Variants in MGAT4C observed in about 807,000 individuals in gnomAD.
MGAT4C encodes the protein MGAT4 family member C.
MGAT4C carries 19 observed loss-of-function variants against 40.1 expected under a neutral mutation model. The ratio of observed to expected loss-of-function variants is 0.47; its 90% CI spans 0.33 to 0.70. The LOEUF (loss-of-function observed/expected upper bound fraction) is 0.70, where lower values mean the gene tolerates loss of function less well. Ranked by LOEUF, MGAT4C falls within the 30% of genes least tolerant of loss-of-function variation. The pLI, the probability that MGAT4C is intolerant of heterozygous loss-of-function variation, is 0.02. For missense variants in MGAT4C, 491 were observed against 563.2 expected (o/e 0.87, Z 1.30); for synonymous variants, 181 against 187.1 (o/e 0.97, Z 0.27).
chr12:86,471,064 T>G (rs1957751261), intron 2 of MGAT4C, among the ~76,000 whole-genome samples: 1 of 151,910 alleles, frequency 6.6e-6, no homozygotes, highest in Non-Finnish European at 1.5e-5. Context: ...AATTATCAGG[T>G]GAAGGTAAAC....
At chr12:86,592,146 G>A (rs1249036946) in intron 2 of MGAT4C, among the ~76,000 whole-genome samples, 2 of 152,012 alleles carry the variant, frequency 1.3e-5, no homozygotes, top group African/African-American at 4.8e-5. Flanking sequence ...GTAACTAAAG[G>A]TCTAATATTT....
chr12:86,064,959 AG>A (rs1894388480), intron 1 of MGAT4C, among the ~76,000 whole-genome samples: 1 of 152,220 alleles, frequency 6.6e-6, no homozygotes, highest in Admixed American at 6.5e-5. Context: ...TAGAAAATCT[AG>A]AAGAAATGGA....
At chr12:86,224,307 A>T (rs1053644497) in intron 1 of MGAT4C, among the ~76,000 whole-genome samples, 10 of 152,230 alleles carry the variant, frequency 6.6e-5, no homozygotes, top group African/African-American at 2.4e-4. Context: ...TTATAAAGCA[A>T]ATATTACTAG....
At chr12:86,169,690 G>A (rs1886599167) in intron 1 of MGAT4C, among the ~76,000 whole-genome samples, 1 of 152,002 alleles carries the variant, frequency 6.6e-6, no homozygotes, top group Non-Finnish European at 1.5e-5. Flanking sequence ...AAAATCAGGC[G>A]GAGAGGCACA....
intron 1 of MGAT4C, among the ~76,000 whole-genome samples, chr12:86,185,270 CT>C (rs1888627906): frequency 6.6e-6 from 1 of 152,044 alleles, no homozygotes; most frequent in Admixed American, 6.6e-5. Context: ...CTTATATTTA[CT>C]ATCTTCATTT....
intron 4 of MGAT4C, among the ~76,000 whole-genome samples, chr12:86,317,276 G>C (rs1414306503): frequency 1.2e-4 from 19 of 152,070 alleles, no homozygotes; most frequent in Admixed American, 1.2e-3. Flanking sequence ...GAAGGGAAGA[G>C]AGAGGTGAAG....
At chr12:86,808,386 T>G (rs2136212895) in intron 1 of MGAT4C, among the ~76,000 whole-genome samples, 1 of 152,178 alleles carries the variant, frequency 6.6e-6, no homozygotes, top group Admixed American at 6.6e-5. Context: ...CTCAATAAAA[T>G]ACTGGAAAAC....
chr12:86,645,934 C>A (rs952905507), intron 2 of MGAT4C, among the ~76,000 whole-genome samples: 1 of 151,868 alleles, frequency 6.6e-6, no homozygotes, highest in Middle Eastern at 3.4e-3. Flanking sequence ...TAAAAGAATA[C>A]TTTTAATTAA....
At chr12:86,655,641 T>C (rs992119257) in intron 2 of MGAT4C, among the ~76,000 whole-genome samples, 2 of 152,140 alleles carry the variant, frequency 1.3e-5, no homozygotes, top group African/African-American at 4.8e-5. Flanking sequence ...AGTAAAAGAA[T>C]GTATGGCTCA....
At chr12:86,241,737 G>A (rs529152496) in intron 1 of MGAT4C, among the ~76,000 whole-genome samples, 22 of 152,268 alleles carry the variant, frequency 1.4e-4, no homozygotes, top group Admixed American at 3.9e-4. Context: ...ATGTGGGAAA[G>A]CACTTTATAA....
intron 2 of MGAT4C, among the ~76,000 whole-genome samples, chr12:86,662,700 G>A (rs1185817792): frequency 2.6e-5 from 4 of 152,116 alleles, no homozygotes; most frequent in African/African-American, 2.4e-5. Context: ...CATAGTGTAT[G>A]ACAGAGTGGA....
chr12:86,638,091 C>T (rs1316427784), intron 2 of MGAT4C, among the ~76,000 whole-genome samples: 1 of 144,974 alleles, frequency 6.9e-6, no homozygotes, highest in Non-Finnish European at 1.5e-5. Flanking sequence ...TATCCGTAAA[C>T]AATTTACCTG....
chr12:86,595,063 T>A (rs1961479914), intron 2 of MGAT4C, among the ~76,000 whole-genome samples: 1 of 152,162 alleles, frequency 6.6e-6, no homozygotes, highest in Non-Finnish European at 1.5e-5. Flanking sequence ...TCTCAAAGAT[T>A]AGGTATGCAC....
At chr12:85,981,585 T>C (rs1266823931) in intron 4 of MGAT4C, among the ~76,000 whole-genome samples, 1 of 152,212 alleles carries the variant, frequency 6.6e-6, no homozygotes, top group Non-Finnish European at 1.5e-5. Flanking sequence ...TCATTAATAA[T>C]AGCCAATGCT....
intron 2 of MGAT4C, among the ~76,000 whole-genome samples, chr12:86,523,294 T>C (rs577237273): frequency 6.6e-6 from 1 of 152,322 alleles, no homozygotes; most frequent in South Asian, 2.1e-4. Context: ...CTTGTATCTT[T>C]GTTCTCATTA....
chr12:86,340,605 T>C (rs1954886916), intron 3 of MGAT4C, among the ~76,000 whole-genome samples: 3 of 152,088 alleles, frequency 2.0e-5, no homozygotes, highest in Admixed American at 2.0e-4. Flanking sequence ...AGATAAAAGC[T>C]TTGATAAATT....
chr12:86,054,520 T>C (rs1465528683), intron 1 of MGAT4C, among the ~76,000 whole-genome samples: 1 of 151,988 alleles, frequency 6.6e-6, no homozygotes, highest in Non-Finnish European at 1.5e-5. Flanking sequence ...AACAGTTCAG[T>C]GACTATAGTT....
At chr12:86,633,862 G>A (rs10858456) in intron 2 of MGAT4C, among the ~76,000 whole-genome samples, 47,067 of 151,730 alleles carry the variant, frequency 0.31, 9,036 homozygotes, top group Admixed American at 0.45. Flanking sequence ...TCATTAAGTT[G>A]CCTCCTCCAT....
At chr12:86,397,998 C>T (rs896016119) in intron 3 of MGAT4C, among the ~76,000 whole-genome samples, 1 of 152,110 alleles carries the variant, frequency 6.6e-6, no homozygotes, top group African/African-American at 2.4e-5. Flanking sequence ...AAGTTTTTAG[C>T]ATCAGAATAT....
Sources: gnomAD v4.1 joint callset for allele counts (sites outside exome capture counted in the v4.1 genomes callset) on GRCh38, gnomAD v4.1.1 for gene constraint, MANE v1.5 for transcripts, NCBI Gene and HGNC (gene_info 2026-07-23, HGNC 2026-07-21) for gene names.